Variants in SEPTIN9 observed in about 807,000 individuals in gnomAD.
The protein encoded by SEPTIN9 is septin-9.
SEPTIN9 carries 13 observed loss-of-function variants against 56.6 expected under a neutral mutation model. That is an observed-to-expected ratio of 0.23 (90% CI 0.15 to 0.37). SEPTIN9 has a LOEUF of 0.37. Ranked by LOEUF, SEPTIN9 falls within the 10% of genes least tolerant of loss-of-function variation. The pLI is 1.00. For missense variants in SEPTIN9, 650 were observed against 823.1 expected (o/e 0.79, Z 2.57); for synonymous variants, 332 against 334.1 (o/e 0.99, Z 0.07).
At chr17:77,337,946 T>TA in intron 2 of SEPTIN9, among the ~76,000 whole-genome samples, 1 of 152,146 alleles carries the variant, frequency 6.6e-6, no homozygotes, top group Non-Finnish European at 1.5e-5. Flanking sequence ...CCTGTAATCC[T>TA]AGCCCTTTGG....
intron 3 of SEPTIN9, among the ~76,000 whole-genome samples, chr17:77,465,965 G>T (rs912132552): frequency 6.6e-6 from 1 of 151,928 alleles, no homozygotes; most frequent in Admixed American, 6.6e-5. Context: ...CCTTCCTGGG[G>T]GAGGCTGGAA....
At chr17:77,410,523 G>C (rs1484615145) in intron 3 of SEPTIN9, among the ~76,000 whole-genome samples, 1 of 152,224 alleles carries the variant, frequency 6.6e-6, no homozygotes, top group Non-Finnish European at 1.5e-5. Context: ...CCACTCGTGT[G>C]TGGGGAAATG....
At position 77,356,470 on chromosome 17, in the gene SEPTIN9, C is replaced by T. The variant is rs1223000489; in HGVS notation, c.77-45589C>T. Among the ~76,000 whole-genome samples, 3 of 151,364 alleles carry T rather than the reference C, an allele frequency of 2.0e-5. No homozygotes were observed. The South Asian group carries it at 6.3e-4, about 32-fold the overall frequency. The stretch of plus-strand genomic sequence containing the variant: ...GGCAGCTCTTTCTCACTCTGTGCCT[C>T]CGCTTCCTGATGGAAAAATGGGGGC... On this transcript the variant is annotated intron_variant, in intron 2 of 11. Coordinates refer to ENST00000427177, the MANE Select transcript of SEPTIN9 (RefSeq NM_001113491.2).
At chr17:77,321,906 C>T (rs2032951397) in intron 2 of SEPTIN9, among the ~76,000 whole-genome samples, 1 of 152,236 alleles carries the variant, frequency 6.6e-6, no homozygotes, top group Non-Finnish European at 1.5e-5. Flanking sequence ...CTGCTCTCCG[C>T]CCAGCAGGAG....
chr17:77,416,376 G>GT (rs2036508598), intron 3 of SEPTIN9, among the ~76,000 whole-genome samples: 1 of 152,184 alleles, frequency 6.6e-6, no homozygotes, highest in Non-Finnish European at 1.5e-5. Flanking sequence ...CCAACCCGTG[G>GT]TTTTGCTGCT....
At chr17:77,428,137 G>A (rs2036983293) in intron 3 of SEPTIN9, among the ~76,000 whole-genome samples, 1 of 152,202 alleles carries the variant, frequency 6.6e-6, no homozygotes, top group African/African-American at 2.4e-5. Context: ...CACACAGCAG[G>A]TATGGGGCAT....
Position 77,487,649 on chromosome 17 carries a change from G to T in SEPTIN9, c.1042+97G>T, listed in dbSNP as rs1262620911. Reference sequence around the variant, plus strand: ...GACCATCACACACAGTCAGTGGCCAGGGGCGGGCTGGGGGTGCAGGACTCC... The same window carrying T: ...GACCATCACACACAGTCAGTGGCCATGGGCGGGCTGGGGGTGCAGGACTCC... On this transcript the variant is annotated intron_variant, in intron 5 of 11. Transcript: ENST00000427177. This position sits in a 1 kb window ranked among gnomAD's most constrained non-coding sequence, Gnocchi z 4.3. 4.4e-6 allele frequency: 4 copies of T among 907,332 alleles called. No homozygotes were observed. Among genetic ancestry groups the T allele is most frequent in the African/African-American group, 3.9e-5 (1 of 25,318 alleles). The allele number at this position is 907,332 out of a possible 1,614,324, so 56.2% of individuals were successfully genotyped here. A position where few individuals can be genotyped will look rare whatever the true frequency, so the allele number is the denominator to read the frequency against.
chr17:77,418,231 C>T (rs768478123), intron 3 of SEPTIN9, among the ~76,000 whole-genome samples: 9 of 152,210 alleles, frequency 5.9e-5, no homozygotes, highest in Non-Finnish European at 1.0e-4. Flanking sequence ...GGTTCAGCCT[C>T]TTGTGGGTCT....
chr17:77,402,453 C>A lies in SEPTIN9; in HGVS notation c.471C>A (p.Pro157=). 6.2e-7 allele frequency: 1 copy of A among 1,610,168 alleles called. No homozygotes were observed. Among genetic ancestry groups the A allele is most frequent in the Non-Finnish European group, 8.5e-7 (1 of 1,178,614 alleles). The change falls in exon 3 of 12, where the codon CCC becomes CCA. Residue 157 remains proline (P), a synonymous_variant. Transcript: ENST00000427177. The surrounding 1 kb of genome is among the most constrained non-coding windows in gnomAD (Gnocchi z 6.6). ...PRRTEITIVK[P]QESAHRRMEP... ...GGACGGAGATCACCATCGTCAAACC[C>A]CAGGAGTCAGCCCACCGGAGGATGG...
In SEPTIN9 at chr17:77,490,686, G is replaced by GC. The variant is rs562171581; in HGVS notation, c.1263-49dup. 1.9e-3 allele frequency: 2,461 copies of GC among 1,325,306 alleles called. 4 individuals are homozygous for GC. Among genetic ancestry groups the GC allele is most frequent in the East Asian group, 6.9e-3 (276 of 39,850 alleles). 82.1% of individuals were successfully genotyped at this position (1,325,306 alleles called of 1,614,324 possible). ...TGTCGACACCTGCTTGGGGGTGGGT[G>GC]CCCCCCCACTGCCCCGCTCCCCCAG... On this transcript the variant is annotated intron_variant, in intron 7 of 11. Coordinates refer to ENST00000427177, the MANE Select transcript of SEPTIN9 (RefSeq NM_001113491.2).
Position 77,485,851 on chromosome 17 carries a change from GT to G in SEPTIN9, c.914-1566del, listed in dbSNP as rs572951586. On this transcript the variant is annotated intron_variant, in intron 4 of 11. Coordinates refer to ENST00000427177, the MANE Select transcript of SEPTIN9 (RefSeq NM_001113491.2). ...TAATTTAGGGTGTTTTTTGTGTTGTGTTTTTTTGAGACAGGGTCTCATTGTT... is the reference window on the plus strand; with the variant it reads ...TAATTTAGGGTGTTTTTTGTGTTGTGTTTTTTGAGACAGGGTCTCATTGTT... Among the ~76,000 whole-genome samples, 1,352 of 152,054 alleles carry G rather than the reference GT, an allele frequency of 8.9e-3. 16 individuals carry two copies. The highest frequency in any genetic ancestry group is 0.027 in the African/African-American group (1,131 of 41,498).
intron 2 of SEPTIN9, among the ~76,000 whole-genome samples, chr17:77,386,444 G>A (rs116038471): frequency 0.015 from 2,264 of 152,338 alleles, 40 homozygotes; most frequent in African/African-American, 0.052. Flanking sequence ...CCAGGCTCCC[G>A]TGGCCCACAG....
chr17:77,363,840 C>T (rs1598257190), intron 2 of SEPTIN9, among the ~76,000 whole-genome samples: 2 of 152,308 alleles, frequency 1.3e-5, no homozygotes, highest in Non-Finnish European at 2.9e-5. Context: ...GTTACAGACA[C>T]TCCAGGGGGT....
In SEPTIN9 at chr17:77,317,880, G is replaced by A. The variant is rs1368758880; in HGVS notation, c.76+10683G>A. 6.6e-6 allele frequency among the ~76,000 whole-genome samples: 1 copy of A among 151,894 alleles called. No homozygotes were observed. Among genetic ancestry groups the A allele is most frequent in the East Asian group, 1.9e-4 (1 of 5,154 alleles). On this transcript the variant is annotated intron_variant, in intron 2 of 11. Transcript: ENST00000427177. This position sits in a 1 kb window ranked among gnomAD's most constrained non-coding sequence, Gnocchi z 4.2. Reference sequence around the variant, plus strand: ...AGCCTGGCCAATATGGTGAAACCCCGTTTCTACTAAAAATACAAAAATTAG... The same window carrying A: ...AGCCTGGCCAATATGGTGAAACCCCATTTCTACTAAAAATACAAAAATTAG...
Position 77,329,797 on chromosome 17 carries a change from G to A in SEPTIN9, c.76+22600G>A, listed in dbSNP as rs1029852586. Among the ~76,000 whole-genome samples, 1 of 152,156 alleles carries A rather than the reference G, an allele frequency of 6.6e-6. No individual in the cohort carries two copies. Among genetic ancestry groups the A allele is most frequent in the Non-Finnish European group, 1.5e-5 (1 of 68,014 alleles). On this transcript the variant is annotated intron_variant, in intron 2 of 11. Transcript: ENST00000427177. This position sits in a 1 kb window ranked among gnomAD's most constrained non-coding sequence, Gnocchi z 4.3. Reference sequence around the variant, plus strand: ...AGGTTCAGATATCCAGAACATTCTTGGCTGGCTCTTGGAGCTGGGGTGAGG... The same window carrying A: ...AGGTTCAGATATCCAGAACATTCTTAGCTGGCTCTTGGAGCTGGGGTGAGG...
At chr17:77,298,120 G>A (rs1281060081) in intron 1 of SEPTIN9, among the ~76,000 whole-genome samples, 1 of 152,250 alleles carries the variant, frequency 6.6e-6, no homozygotes, top group Non-Finnish European at 1.5e-5. Flanking sequence ...AGGAGAATGT[G>A]TTACCTCCAA....
rs114142575 is a variant in SEPTIN9, at chr17:77,487,586, C to T, written c.1042+34C>T. On this transcript the variant is annotated intron_variant, in intron 5 of 11. Coordinates refer to ENST00000427177, the MANE Select transcript of SEPTIN9 (RefSeq NM_001113491.2). The surrounding 1 kb of genome is among the most constrained non-coding windows in gnomAD (Gnocchi z 4.3). Reference sequence around the variant, plus strand: ...CCGGGAGTGGGCTGGGGGTGCAGGACGCCCCTGCCTTCCTGGAGCACAGGG... The same window carrying T: ...CCGGGAGTGGGCTGGGGGTGCAGGATGCCCCTGCCTTCCTGGAGCACAGGG... The T allele has an allele frequency of 8.8e-3, 14,132 of 1,599,774 alleles. 196 individuals carry two copies. The highest frequency in any genetic ancestry group is 0.039 in the African/African-American group (2,572 of 66,646).
At position 77,343,435 on chromosome 17, in the gene SEPTIN9, T is replaced by C. The variant is rs987837075; in HGVS notation, c.76+36238T>C. On this transcript the variant is annotated intron_variant, in intron 2 of 11. Transcript: ENST00000427177. ...CTCCATGCCGCTTCCTTCATACCTT[T>C]CTTATGCATCTCTTCCAGTTGGCTG... Among the ~76,000 whole-genome samples, 8 of 152,230 alleles carry C rather than the reference T, an allele frequency of 5.3e-5. No individual in the cohort carries two copies. In the East Asian group the frequency reaches 1.5e-3, roughly 29 times the overall value.
Position 77,490,723 on chromosome 17 carries a change from G to A in SEPTIN9, c.1263-19G>A, listed in dbSNP as rs1357417371. 37 of 1,543,948 alleles carry A rather than the reference G, an allele frequency of 2.4e-5. No individual in the cohort carries two copies. The highest frequency in any genetic ancestry group is 2.1e-4 in the Admixed American group (11 of 51,498). On this transcript the variant is annotated intron_variant, in intron 7 of 11. Coordinates refer to ENST00000427177, the MANE Select transcript of SEPTIN9 (RefSeq NM_001113491.2). ...CCCCGCTCCCCCAGATGAGCCTCACGCACATCCCTCTGCTTCAGCCTCAGG... is the reference window on the plus strand; with the variant it reads ...CCCCGCTCCCCCAGATGAGCCTCACACACATCCCTCTGCTTCAGCCTCAGG...
Sources: allele counts gnomAD v4.1 joint callset (sites outside exome capture counted in the v4.1 genomes callset), GRCh38; gene constraint gnomAD v4.1.1; non-coding constraint Gnocchi (gnomAD v3.1); transcripts MANE v1.5; gene names NCBI Gene and HGNC (gene_info 2026-07-23, HGNC 2026-07-21).